Variants in TMEM117 observed in about 807,000 individuals in gnomAD.
TMEM117 encodes transmembrane protein 117.
Under a neutral mutation model 52.4 loss-of-function variants are expected in TMEM117, and 27 were observed. That is an observed-to-expected ratio of 0.51 (90% CI 0.38 to 0.71). The LOEUF (loss-of-function observed/expected upper bound fraction) is 0.71. Ranked by LOEUF, TMEM117 falls within the 30% of genes least tolerant of loss-of-function variation. TMEM117 has a pLI of 0.00. For synonymous variants in TMEM117, 215 were observed against 206.3 expected (o/e 1.04, Z -0.36); for missense variants, 556 against 630.5 (o/e 0.88, Z 1.26).
chr12:43,868,357 G>A (rs183332899), intron 2 of TMEM117, among the ~76,000 whole-genome samples: 5 of 151,924 alleles, frequency 3.3e-5, no homozygotes, highest in African/African-American at 1.2e-4. Flanking sequence ...CCTGGGCAAC[G>A]TGGTTAAAAC....
chr12:43,843,174 CT>C (rs1943143959), intron 1 of TMEM117, among the ~76,000 whole-genome samples: 1 of 152,212 alleles, frequency 6.6e-6, no homozygotes, highest in African/African-American at 2.4e-5. Flanking sequence ...CCTCTTCCCC[CT>C]CTTCCCCCTC....
intron 4 of TMEM117, among the ~76,000 whole-genome samples, chr12:44,206,926 A>C (rs1431105894): frequency 6.6e-6 from 1 of 152,122 alleles, no homozygotes; most frequent in Non-Finnish European, 1.5e-5. Flanking sequence ...CACACAATCT[A>C]CCCATGCAAC....
intron 2 of TMEM117, among the ~76,000 whole-genome samples, chr12:43,926,133 AT>A (rs1182498787): frequency 6.6e-6 from 1 of 152,250 alleles, no homozygotes; most frequent in Non-Finnish European, 1.5e-5. Context: ...TATTCGTTGC[AT>A]ACATCTGTCA....
chr12:43,945,610 A>G (rs998994555), intron 3 of TMEM117, among the ~76,000 whole-genome samples: 3 of 152,220 alleles, frequency 2.0e-5, no homozygotes, highest in African/African-American at 7.2e-5. Flanking sequence ...GGCTTGAGCC[A>G]CTGCATCTGG....
the TMEM117 span, among the ~76,000 whole-genome samples, chr12:44,397,920 G>A: frequency 2.1e-4 from 32 of 152,242 alleles, no homozygotes; most frequent in Non-Finnish European, 3.7e-4. Flanking sequence ...TAGACAAGAA[G>A]TGTCTTACGG....
At chr12:43,801,533 TAC>T in the TMEM117 span, among the ~76,000 whole-genome samples, 1 of 152,226 alleles carries the variant, frequency 6.6e-6, no homozygotes, top group Non-Finnish European at 1.5e-5. Flanking sequence ...TATTGTTCTA[TAC>T]AGTCAATCTA....
chr12:44,280,044 A>G (rs757081222), intron 5 of TMEM117, among the ~76,000 whole-genome samples: 1 of 152,206 alleles, frequency 6.6e-6, no homozygotes, highest in African/African-American at 2.4e-5. Flanking sequence ...CATAAAAAGC[A>G]GTAATATTCA....
At chr12:44,029,132 G>C (rs531792630) in intron 3 of TMEM117, among the ~76,000 whole-genome samples, 1 of 152,130 alleles carries the variant, frequency 6.6e-6, no homozygotes, top group Non-Finnish European at 1.5e-5. Context: ...AGGGTTAAAG[G>C]CTTCTCTCAA....
chr12:44,213,817 C>T (rs1260896717), intron 5 of TMEM117, among the ~76,000 whole-genome samples: 3 of 152,192 alleles, frequency 2.0e-5, no homozygotes, highest in African/African-American at 4.8e-5. Flanking sequence ...CCCAGCCATG[C>T]GGAATGGTGG....
chr12:43,942,577 G>A (rs1290669812), intron 2 of TMEM117, among the ~76,000 whole-genome samples: 6 of 151,202 alleles, frequency 4.0e-5, no homozygotes. Context: ...TCTTGGATAG[G>A]CCAAGAATCC....
At chr12:44,019,426 G>T (rs892574831) in intron 3 of TMEM117, among the ~76,000 whole-genome samples, 6 of 152,014 alleles carry the variant, frequency 3.9e-5, no homozygotes, top group Non-Finnish European at 8.8e-5. Flanking sequence ...GAGGGTACTG[G>T]CTCATTCAAA....
chr12:44,102,263 T>G (rs1221728305), intron 3 of TMEM117, among the ~76,000 whole-genome samples: 2 of 151,994 alleles, frequency 1.3e-5, no homozygotes, highest in Non-Finnish European at 2.9e-5. Context: ...ATTTCCCACA[T>G]TAAGGGAATC....
chr12:43,914,734 T>C (rs1565748802), intron 2 of TMEM117, among the ~76,000 whole-genome samples: 1 of 152,104 alleles, frequency 6.6e-6, no homozygotes, highest in Non-Finnish European at 1.5e-5. Context: ...AAATTTTGGA[T>C]TGAGGAGCTG....
intron 2 of TMEM117, among the ~76,000 whole-genome samples, chr12:43,881,535 A>AT (rs1943895189): frequency 6.6e-6 from 1 of 152,206 alleles, no homozygotes; most frequent in African/African-American, 2.4e-5. Context: ...CATGCCTGTA[A>AT]TCCCAACACT....
intron 2 of TMEM117, among the ~76,000 whole-genome samples, chr12:43,917,330 G>A (rs1320519226): frequency 6.6e-6 from 1 of 151,806 alleles, no homozygotes; most frequent in African/African-American, 2.4e-5. Context: ...GAGCTCAGTA[G>A]TTTGAGGCTG....
intron 2 of TMEM117, among the ~76,000 whole-genome samples, chr12:43,903,796 A>T (rs1406385595): frequency 6.6e-6 from 1 of 152,108 alleles, no homozygotes; most frequent in Non-Finnish European, 1.5e-5. Flanking sequence ...ACCCATGGTT[A>T]TCTGGTTATC....
chr12:44,107,113 G>C (rs1265531511), intron 3 of TMEM117, among the ~76,000 whole-genome samples: 1 of 151,960 alleles, frequency 6.6e-6, no homozygotes, highest in African/African-American at 2.4e-5. Context: ...CAAAGTTTAA[G>C]TGCTTTACAA....
At chr12:43,926,074 T>C (rs1032142510) in intron 2 of TMEM117, among the ~76,000 whole-genome samples, 1 of 152,222 alleles carries the variant, frequency 6.6e-6, no homozygotes, top group South Asian at 2.1e-4. Flanking sequence ...AATATATGTT[T>C]AGAAAAATTC....
chr12:44,180,350 ATC>A (rs1026861779), intron 4 of TMEM117, among the ~76,000 whole-genome samples: 6 of 131,392 alleles, frequency 4.6e-5, no homozygotes, highest in African/African-American at 2.3e-4. Context: ...ACTACCTGAC[ATC>A]TTTTTTTTTT....
Sources: gnomAD v4.1 joint callset for allele counts (sites outside exome capture counted in the v4.1 genomes callset) on GRCh38, gnomAD v4.1.1 for gene constraint, MANE v1.5 for transcripts, NCBI Gene and HGNC (gene_info 2026-07-23, HGNC 2026-07-21) for gene names.